Variants in ASDURF observed in about 807,000 individuals in gnomAD.
ASDURF encodes the protein ASNSD1 upstream open reading frame.
ASDURF carries 3 observed loss-of-function variants against 3.3 expected under a neutral mutation model. The ratio of observed to expected loss-of-function variants is 0.92; its 90% CI spans 0.42 to 2.37. The LOEUF is 2.37. Among genes scored for constraint, ASDURF ranks in the 30% most tolerant of loss-of-function variants. The probability of loss-of-function intolerance (pLI) is 0.05; values close to 1 mark genes in which losing one functional copy is unlikely to be tolerated. For missense variants in ASDURF, 23 were observed against 25.4 expected, an observed-to-expected ratio of 0.90 and a Z score of 0.21; for synonymous variants, 11 against 8.3, an observed-to-expected ratio of 1.32 and a Z score of -0.55.
rs1263777309 is a variant in ASDURF, at chr2:189,666,234, T to G, written c.*123T>G. 1 of 1,614,114 alleles carries G rather than the reference T, an allele frequency of 6.2e-7. No individual in the cohort carries two copies. The highest frequency in any genetic ancestry group is 1.7e-5 in the Admixed American group (1 of 60,010). ...ATCTTAAACAGCGGGGACCCAATAG[T>G]AGTAAACAATTGTTAAAGTCTGATG... On this transcript the variant is annotated 3_prime_UTR_variant, in exon 4 of 4. Transcript: ENST00000607829.
intron 2 of ASDURF, among the ~76,000 whole-genome samples, chr2:189,664,158 T>C (rs2032734937): frequency 6.6e-6 from 1 of 152,216 alleles, no homozygotes; most frequent in Non-Finnish European, 1.5e-5. Flanking sequence ...TTCTATCATA[T>C]GCCATTCACA....
At chr2:189,663,796 A>G in intron 1 of ASDURF, 105 bp from the exon 2 acceptor site, 1 of 347,632 alleles carries the variant, frequency 2.9e-6, no homozygotes. Flanking sequence ...CCAGTACATC[A>G]TAGCCCCTTA....
intron 1 of ASDURF, among the ~76,000 whole-genome samples, chr2:189,663,240 T>TATA (rs944088732): frequency 4.8e-5 from 7 of 145,232 alleles, no homozygotes; most frequent in African/African-American, 1.8e-4. Flanking sequence ...TATATATATA[T>TATA]TTTTTAAATT....
chr2:189,662,865 C>G (rs1163786400), intron 1 of ASDURF, among the ~76,000 whole-genome samples: 1 of 151,032 alleles, frequency 6.6e-6, no homozygotes, highest in East Asian at 2.0e-4. Flanking sequence ...TGAGAATCGC[C>G]TGAGCCCGGG....
Position 189,665,431 on chromosome 2 carries a change from AAAT to A in ASDURF, c.201_203del (p.Met68del). On this transcript the variant is annotated inframe_deletion, in exon 3 of 4. Coordinates refer to ENST00000607829, the MANE Select transcript of ASDURF (RefSeq NM_001353493.2). The stretch of plus-strand genomic sequence containing the variant: ...ATATTCTTTCTTGCAGACCGAACAG[AAAT>A]GCTGTCTGAGAGCAAGAGTAAGTTT... The A allele has an allele frequency of 2.5e-6, 1 of 397,786 alleles. No individual in the cohort carries two copies. The highest frequency in any genetic ancestry group is 4.4e-6 in the Non-Finnish European group (1 of 225,584). 24.6% of individuals were successfully genotyped at this position (397,786 alleles called of 1,614,324 possible).
At chr2:189,664,123 G>C (rs957508854) in intron 2 of ASDURF, among the ~76,000 whole-genome samples, 169 bp downstream of exon 2, 7 of 152,114 alleles carry the variant, frequency 4.6e-5, no homozygotes, top group Admixed American at 2.6e-4. Context: ...TAAATGGATA[G>C]ATCTCATAGC....
chr2:189,661,615 G>A lies in ASDURF; in HGVS notation c.90+5G>A, dbSNP rs1286063683. On this transcript the variant is annotated splice_donor_5th_base_variant and intron_variant, in intron 1 of 3. Coordinates refer to ENST00000607829, the MANE Select transcript of ASDURF (RefSeq NM_001353493.2). ...AAGGAGGATCTAAGCAGCAAGGTGA[G>A]TGTGAGACGCGACGAAAAGGCTCCT... 3.3e-5 allele frequency: 13 copies of A among 399,256 alleles called. No individual in the cohort carries two copies. The highest frequency in any genetic ancestry group is 5.3e-5 in the Non-Finnish European group (12 of 226,318). 24.7% of individuals were successfully genotyped at this position (399,256 alleles called of 1,614,324 possible).
chr2:189,665,496 T>C (rs1204503044), intron 3 of ASDURF, 45 bp downstream of exon 3: 1 of 392,970 alleles, frequency 2.5e-6, no homozygotes, highest in Non-Finnish European at 4.5e-6. Flanking sequence ...GCCTAAATTA[T>C]ACTCATCTGA....
chr2:189,664,702 A>G (rs569864640), intron 2 of ASDURF, among the ~76,000 whole-genome samples: 1 of 152,120 alleles, frequency 6.6e-6, no homozygotes, highest in African/African-American at 2.4e-5. Flanking sequence ...TGAGCTGAGC[A>G]CACCACTGCA....
Position 189,661,500 on chromosome 2 carries a change from C to T in ASDURF, c.-21C>T. On this transcript the variant is annotated 5_prime_UTR_variant, in exon 1 of 4. Coordinates refer to ENST00000607829, the MANE Select transcript of ASDURF (RefSeq NM_001353493.2). ...GCTCCTTCAGGGCTGAGCCATCCCG[C>T]GTGTCTTGCGCTCGGTGGAAATGCC... The T allele has an allele frequency of 2.5e-6, 1 of 399,214 alleles. No individual in the cohort carries two copies. The allele number at this position is 399,214 out of a possible 1,614,324, so 24.7% of individuals were successfully genotyped here.
intron 2 of ASDURF, among the ~76,000 whole-genome samples, chr2:189,664,342 A>G (rs541554026): frequency 6.6e-6 from 1 of 152,352 alleles, no homozygotes; most frequent in African/African-American, 2.4e-5. Context: ...AAAAAAGGAT[A>G]CATTGCTTCC....
intron 1 of ASDURF, among the ~76,000 whole-genome samples, chr2:189,661,846 G>C (rs974758727): frequency 6.6e-6 from 1 of 152,182 alleles, no homozygotes; most frequent in Non-Finnish European, 1.5e-5. Flanking sequence ...GTGACAGTGG[G>C]GCGGAGTTTT....
At position 189,666,130 on chromosome 2, in the gene ASDURF, ACAATGTGTGG is replaced by A; in HGVS notation, c.*22_*31del. On this transcript the variant is annotated 3_prime_UTR_variant, in exon 4 of 4. Transcript: ENST00000607829. ...GAAATAGTCAACCTGATTTCACATAACAATGTGTGGCATTTGTTGTTCTGTAAACTTTTCT... is the reference window on the plus strand; with the variant it reads ...GAAATAGTCAACCTGATTTCACATAACATTTGTTGTTCTGTAAACTTTTCT... The A allele has an allele frequency of 6.5e-7, 1 of 1,542,628 alleles. No homozygotes were observed. Among genetic ancestry groups the A allele is most frequent in the Non-Finnish European group, 8.7e-7 (1 of 1,148,146 alleles).
chr2:189,666,249 A>T lies in ASDURF; in HGVS notation c.*138A>T. 6.2e-7 allele frequency: 1 copy of T among 1,614,150 alleles called. No homozygotes were observed. The highest frequency in any genetic ancestry group is 8.5e-7 in the Non-Finnish European group (1 of 1,179,992). On this transcript the variant is annotated 3_prime_UTR_variant, in exon 4 of 4. Coordinates refer to ENST00000607829, the MANE Select transcript of ASDURF (RefSeq NM_001353493.2). ...GACCCAATAGTAGTAAACAATTGTT[A>T]AAGTCTGATGTTAACTACCAGTGTT...
Position 189,666,030 on chromosome 2 carries a change from C to T in ASDURF, c.221-11C>T. ...ATGTTATTTAATATTTATTCTCCTT[C>T]CCTGCAACAGATATATTGGATGAAC... On this transcript the variant is annotated splice_polypyrimidine_tract_variant and intron_variant, in intron 3 of 3. Coordinates refer to ENST00000607829, the MANE Select transcript of ASDURF (RefSeq NM_001353493.2). 8.0e-7 allele frequency: 1 copy of T among 1,250,612 alleles called. No homozygotes were observed. The highest frequency in any genetic ancestry group is 1.1e-6 in the Non-Finnish European group (1 of 918,172). The allele number at this position is 1,250,612 out of a possible 1,614,324, so 77.5% of individuals were successfully genotyped here.
At chr2:189,663,548 C>T (rs1295298652) in intron 1 of ASDURF, among the ~76,000 whole-genome samples, 5 of 152,292 alleles carry the variant, frequency 3.3e-5, no homozygotes, top group African/African-American at 9.6e-5. Flanking sequence ...CCACCGCACC[C>T]GGCCTGGTGT....
At chr2:189,663,193 A>G (rs1167196622) in intron 1 of ASDURF, among the ~76,000 whole-genome samples, 3 of 151,664 alleles carry the variant, frequency 2.0e-5, no homozygotes, top group Non-Finnish European at 4.4e-5. Context: ...TTAATTTTCA[A>G]TCTAAATCAC....
chr2:189,663,917 T>C lies in ASDURF; in HGVS notation c.107T>C (p.Ile36Thr), dbSNP rs956796044. ...TTTCAATAGATTAAAGAACAAAAAA[T>C]TGTGGTGGATGAACTTTCTAACCTT... is the stretch of plus-strand genomic sequence containing the variant. ...DLSSKIKEQK[I>T]VVDELSNLKK... Residue 36 changes from isoleucine (I) to threonine (T), a missense_variant, in exon 2 of 4, where the codon ATT becomes ACT. Ile to Thr is a moderately conservative substitution (Grantham distance 89). Coordinates refer to ENST00000607829, the MANE Select transcript of ASDURF (RefSeq NM_001353493.2). 3 of 388,082 alleles carry C rather than the reference T, an allele frequency of 7.7e-6. No individual in the cohort carries two copies. The highest frequency in any genetic ancestry group is 1.4e-5 in the Non-Finnish European group (3 of 218,594). The allele number at this position is 388,082 out of a possible 1,614,324, so 24.0% of individuals were successfully genotyped here. A position where few individuals can be genotyped will look rare whatever the true frequency, so the allele number is the denominator to read the frequency against.
intron 1 of ASDURF, among the ~76,000 whole-genome samples, chr2:189,663,689 AC>A (rs2032724888): frequency 6.6e-6 from 1 of 152,180 alleles, no homozygotes; most frequent in African/African-American, 2.4e-5. Flanking sequence ...AAGTCTAATC[AC>A]TGTTTTTTCT....
Sources: allele counts gnomAD v4.1 joint callset (sites outside exome capture counted in the v4.1 genomes callset), GRCh38; gene constraint gnomAD v4.1.1; transcripts MANE v1.5; gene names NCBI Gene and HGNC (gene_info 2026-07-23, HGNC 2026-07-21).